Variants in GRM7 observed in about 807,000 individuals in gnomAD.
GRM7 encodes glutamate metabotropic receptor 7, also known as metabotropic glutamate receptor 7.
A neutral mutation model predicts 84.5 loss-of-function variants in GRM7; 35 were observed. The ratio of observed to expected loss-of-function variants is 0.41; its 90% confidence interval spans 0.32 to 0.55. The LOEUF (loss-of-function observed/expected upper bound fraction) is 0.55, where lower values mean the gene tolerates loss of function less well. Ranked by LOEUF, GRM7 falls within the 20% of genes least tolerant of loss-of-function variation. GRM7 has a pLI of 0.19. For missense variants in GRM7, 1,003 were observed against 1,194.6 expected (o/e 0.84, Z 2.36); for synonymous variants, 487 against 455.1 (o/e 1.07, Z -0.89).
chr3:7,013,725 C>A (rs1034022426), intron 1 of GRM7, among the ~76,000 whole-genome samples: 4 of 152,048 alleles, frequency 2.6e-5, no homozygotes, highest in African/African-American at 9.7e-5. Flanking sequence ...AGGAGTTCTT[C>A]CAGTCTAGGC....
At chr3:7,555,025 C>G (rs1361193349) in intron 7 of GRM7, among the ~76,000 whole-genome samples, 1 of 152,194 alleles carries the variant, frequency 6.6e-6, no homozygotes, top group Non-Finnish European at 1.5e-5. Context: ...ATACTGAAGT[C>G]AGACAGCCAG....
In GRM7 at chr3:7,452,818, A is replaced by C. The variant is rs779809743; in HGVS notation, c.1375+11A>C. ...ATGTTAATTTCAATGGTGAGTCTCC[A>C]AAAATCCATCCTTTTTGGAATCCTA... is the stretch of plus-strand genomic sequence containing the variant. On this transcript the variant is annotated intron_variant, in intron 6 of 9. Coordinates refer to ENST00000357716, the MANE Select transcript of GRM7 (RefSeq NM_000844.4). 17 of 1,563,498 alleles carry C rather than the reference A, an allele frequency of 1.1e-5. No homozygotes were observed. Among genetic ancestry groups the C allele is most frequent in the Admixed American group, 1.7e-5 (1 of 59,470 alleles).
At chr3:7,580,765 C>T (rs1695210892) in intron 8 of GRM7, among the ~76,000 whole-genome samples, 1 of 152,046 alleles carries the variant, frequency 6.6e-6, no homozygotes, top group Non-Finnish European at 1.5e-5. Context: ...TAGCATGTTT[C>T]AATTTCATAA....
At chr3:6,952,946 A>T (rs913317325) in intron 1 of GRM7, among the ~76,000 whole-genome samples, 1 of 152,224 alleles carries the variant, frequency 6.6e-6, no homozygotes, top group Non-Finnish European at 1.5e-5. Flanking sequence ...ACGACAATGG[A>T]TAGTTGACTG....
At chr3:7,331,570 G>A (rs1013042522) in intron 4 of GRM7, among the ~76,000 whole-genome samples, 1 of 152,152 alleles carries the variant, frequency 6.6e-6, no homozygotes, top group Non-Finnish European at 1.5e-5. Context: ...CTGTGAGATA[G>A]CAGCATGGAC....
intron 8 of GRM7, among the ~76,000 whole-genome samples, chr3:7,594,172 A>G (rs903188259): frequency 1.3e-5 from 2 of 152,182 alleles, no homozygotes; most frequent in African/African-American, 4.8e-5. Context: ...TCCAGTGGCC[A>G]TCTGAGATAG....
intron 4 of GRM7, among the ~76,000 whole-genome samples, chr3:7,332,329 T>C (rs1701240502): frequency 6.6e-6 from 1 of 152,212 alleles, no homozygotes; most frequent in Admixed American, 6.5e-5. Context: ...TAAGATCATA[T>C]ACCTGGTTAA....
chr3:7,473,489 GGAGAGAGAGAGAGAGAGAGA>G (rs372898836), intron 7 of GRM7, among the ~76,000 whole-genome samples: 7 of 126,432 alleles, frequency 5.5e-5, no homozygotes, highest in South Asian at 2.8e-4. Context: ...AAAACGAGAG[GGAGAGAGAGAGAGAGAGAGA>G]GAGAGAGAGA....
chr3:7,455,996 G>T (rs1458121191), intron 6 of GRM7, among the ~76,000 whole-genome samples: 1 of 152,084 alleles, frequency 6.6e-6, no homozygotes, highest in Non-Finnish European at 1.5e-5. Context: ...TCCTAATTTT[G>T]ATGGAGAGAA....
chr3:7,589,465 G>A (rs3792458), intron 8 of GRM7, among the ~76,000 whole-genome samples: 4,268 of 152,220 alleles, frequency 0.028, 154 homozygotes, highest in East Asian at 0.094. Flanking sequence ...CAATGTACTA[G>A]GAATGGGTCA....
intron 1 of GRM7, among the ~76,000 whole-genome samples, chr3:6,878,133 C>T (rs1402502014): frequency 2.6e-5 from 4 of 151,866 alleles, no homozygotes; most frequent in African/African-American, 4.8e-5. Flanking sequence ...CAAACATGCC[C>T]CCCAAAAATC....
intron 9 of GRM7, among the ~76,000 whole-genome samples, chr3:7,696,833 AAT>A (rs1471326056): frequency 6.6e-6 from 1 of 152,188 alleles, no homozygotes; most frequent in Non-Finnish European, 1.5e-5. Flanking sequence ...AACAGTTAAT[AAT>A]GTTTTACATT....
chr3:6,861,790 G>A lies in GRM7; in HGVS notation c.402G>A (p.Val134=). The stretch of plus-strand genomic sequence containing the variant: ...TCATCCAGAAGGACACCTCCGACGT[G>A]CGCTGCACCAACGGCGAACCGCCGG... ...QALIQKDTSD[V]RCTNGEPPVF... is the part of the protein sequence containing the mutation. The change falls in exon 1 of 10, where the codon GTG becomes GTA. Residue 134 remains valine (V), a synonymous_variant. Coordinates refer to ENST00000357716, the MANE Select transcript of GRM7 (RefSeq NM_000844.4). The surrounding 1 kb of genome is among the most constrained non-coding windows in gnomAD (Gnocchi z 6.4). 1 of 1,614,178 alleles carries A rather than the reference G, an allele frequency of 6.2e-7. No homozygotes were observed. The highest frequency in any genetic ancestry group is 8.5e-7 in the Non-Finnish European group (1 of 1,180,044).
intron 1 of GRM7, among the ~76,000 whole-genome samples, chr3:6,936,460 C>T (rs951837784): frequency 1.3e-5 from 2 of 152,180 alleles, no homozygotes; most frequent in African/African-American, 4.8e-5. Flanking sequence ...GCCTGGATTT[C>T]TTCTTAGCCT....
At chr3:7,255,956 A>G (rs1379348671) in intron 2 of GRM7, among the ~76,000 whole-genome samples, 2 of 152,158 alleles carry the variant, frequency 1.3e-5, no homozygotes, top group African/African-American at 4.8e-5. Context: ...AAATTGCTCC[A>G]TTAACACTTA....
At chr3:7,118,574 A>G (rs1162567013) in intron 1 of GRM7, among the ~76,000 whole-genome samples, 1 of 150,364 alleles carries the variant, frequency 6.7e-6, no homozygotes, top group Non-Finnish European at 1.5e-5. Flanking sequence ...TATGTGGTTA[A>G]TTTGAAAATT....
At chr3:7,339,917 C>A (rs1338890051) in intron 4 of GRM7, among the ~76,000 whole-genome samples, 1 of 151,928 alleles carries the variant, frequency 6.6e-6, no homozygotes, top group African/African-American at 2.4e-5. Flanking sequence ...ACAAGTAATC[C>A]ACGGAACAAT....
chr3:7,690,158 T>C (rs1394225264), intron 9 of GRM7, among the ~76,000 whole-genome samples: 1 of 152,132 alleles, frequency 6.6e-6, no homozygotes, highest in African/African-American at 2.4e-5. Context: ...CGTGAGGCTA[T>C]TGGGCTTTGA....
chr3:7,558,670 T>A (rs1185122798), intron 7 of GRM7, among the ~76,000 whole-genome samples: 3 of 152,150 alleles, frequency 2.0e-5, no homozygotes, highest in Non-Finnish European at 4.4e-5. Context: ...TGCCTAAAAG[T>A]TATTGACATA....
Sources: gnomAD v4.1 joint callset for allele counts (sites outside exome capture counted in the v4.1 genomes callset) on GRCh38, gnomAD v4.1.1 for gene constraint, Gnocchi (gnomAD v3.1) non-coding constraint, MANE v1.5 for transcripts, NCBI Gene and HGNC (gene_info 2026-07-23, HGNC 2026-07-21) for gene names.